Variants in RSU1 observed in about 807,000 individuals in gnomAD.
The protein encoded by RSU1 is Ras suppressor protein 1.
RSU1 carries 26 observed loss-of-function variants against 31.1 expected under a neutral mutation model. The ratio of observed to expected loss-of-function variants is 0.84; its 90% CI spans 0.61 to 1.16. The LOEUF (loss-of-function observed/expected upper bound fraction) is 1.16, where lower values mean the gene tolerates loss of function less well. RSU1 is among the 50% of genes most tolerant of loss of function. The pLI, the probability that RSU1 is intolerant of heterozygous loss-of-function variation, is 0.00. For missense variants in RSU1, 320 were observed against 339.1 expected (o/e 0.94, Z 0.44); for synonymous variants, 164 against 136.3 (o/e 1.20, Z -1.41).
intron 8 of RSU1, among the ~76,000 whole-genome samples, chr10:16,689,780 A>C (rs1307544754): frequency 1.3e-5 from 2 of 152,222 alleles, no homozygotes; most frequent in Non-Finnish European, 2.9e-5. Context: ...CACAAAACAC[A>C]AATGAGTGGG....
At chr10:16,691,174 T>C (rs1233816727) in intron 8 of RSU1, among the ~76,000 whole-genome samples, 1 of 152,188 alleles carries the variant, frequency 6.6e-6, no homozygotes, top group East Asian at 1.9e-4. Flanking sequence ...GCCAAATACC[T>C]GCTAATTCGC....
intron 7 of RSU1, among the ~76,000 whole-genome samples, chr10:16,748,845 G>A (rs76727694): frequency 0.027 from 3,928 of 145,370 alleles, 168 homozygotes; most frequent in African/African-American, 0.1. Flanking sequence ...TTCCCCAGCC[G>A]GGCTCTCCCT....
At chr10:16,695,453 G>A (rs1418023944) in intron 7 of RSU1, among the ~76,000 whole-genome samples, 2 of 152,176 alleles carry the variant, frequency 1.3e-5, no homozygotes. Flanking sequence ...TCAAAATTAA[G>A]AGAAGTGATA....
At chr10:16,690,390 A>C (rs1404793976) in intron 8 of RSU1, among the ~76,000 whole-genome samples, 3 of 152,184 alleles carry the variant, frequency 2.0e-5, no homozygotes, top group African/African-American at 7.2e-5. Context: ...CCCCTGTGGA[A>C]GGCACGAAAG....
intron 7 of RSU1, among the ~76,000 whole-genome samples, chr10:16,734,766 G>A (rs996134422): frequency 6.6e-6 from 1 of 152,150 alleles, no homozygotes; most frequent in Non-Finnish European, 1.5e-5. Context: ...AGAAATGGTT[G>A]GTGTTATGGG....
At chr10:16,768,399 CT>C (rs1332790052) in intron 3 of RSU1, among the ~76,000 whole-genome samples, 1 of 152,194 alleles carries the variant, frequency 6.6e-6, no homozygotes, top group Non-Finnish European at 1.5e-5. Flanking sequence ...TAGAACTTCG[CT>C]TCTGACAGAG....
intron 8 of RSU1, among the ~76,000 whole-genome samples, chr10:16,670,892 G>T (rs895920436): frequency 2.0e-5 from 3 of 152,036 alleles, no homozygotes; most frequent in Non-Finnish European, 4.4e-5. Flanking sequence ...AGCCTCCCCA[G>T]TAGCTGGGAT....
chr10:16,645,121 G>C (rs1834512844), intron 8 of RSU1, among the ~76,000 whole-genome samples: 1 of 152,100 alleles, frequency 6.6e-6, no homozygotes, highest in Admixed American at 6.5e-5. Flanking sequence ...ATAACCAATG[G>C]GCAAAATCAT....
chr10:16,718,862 T>A lies in RSU1; in HGVS notation c.599-23707A>T, dbSNP rs185442783. Among the ~76,000 whole-genome samples the A allele has an allele frequency of 9.8e-4, 149 of 151,358 alleles. 1 individual carries two copies. Among genetic ancestry groups the A allele is most frequent in the Admixed American group, 9.5e-3 (143 of 15,110 alleles). The stretch of plus-strand genomic sequence containing the variant: ...CGGGCATGGTGGCGGACACATGTAA[T>A]CCCAGCTACTCGAAAGGCTGGGACA... On this transcript the variant is annotated intron_variant, in intron 7 of 8. Transcript: ENST00000345264.
At chr10:16,764,268 A>T in intron 4 of RSU1, 122 bp downstream of exon 4, 1 of 1,215,320 alleles carries the variant, frequency 8.2e-7, no homozygotes, top group Non-Finnish European at 1.1e-6. Context: ...GACCCAAAAC[A>T]TAAAAAGAAA....
At chr10:16,689,745 C>T (rs1588716636) in intron 8 of RSU1, among the ~76,000 whole-genome samples, 1 of 152,084 alleles carries the variant, frequency 6.6e-6, no homozygotes, top group South Asian at 2.1e-4. Flanking sequence ...GCTGGTCTTT[C>T]ATTTAAGGTT....
intron 8 of RSU1, among the ~76,000 whole-genome samples, chr10:16,672,336 C>T (rs1835124067): frequency 6.6e-6 from 1 of 152,020 alleles, no homozygotes; most frequent in Non-Finnish European, 1.5e-5. Context: ...CCATACCTGC[C>T]ATATGACCCA....
chr10:16,777,955 T>C (rs1837569151), intron 3 of RSU1, among the ~76,000 whole-genome samples: 1 of 152,070 alleles, frequency 6.6e-6, no homozygotes, highest in Non-Finnish European at 1.5e-5. Context: ...CAGCCCATCA[T>C]TCCTTGGCTC....
At chr10:16,714,108 C>G (rs940297385) in intron 7 of RSU1, among the ~76,000 whole-genome samples, 9 of 152,036 alleles carry the variant, frequency 5.9e-5, no homozygotes, top group Non-Finnish European at 4.4e-5. Flanking sequence ...ACAGGCTTTT[C>G]AGGGAGGTGG....
chr10:16,660,664 T>TTTTTTTTTTTG (rs1588699856), intron 8 of RSU1, among the ~76,000 whole-genome samples: 1 of 146,412 alleles, frequency 6.8e-6, no homozygotes, highest in African/African-American at 2.6e-5. Context: ...TTTTTTTTTT[T>TTTTTTTTTTTG]GAGGAAGGCT....
chr10:16,756,730 T>C (rs1240354525), intron 4 of RSU1, among the ~76,000 whole-genome samples: 1 of 152,156 alleles, frequency 6.6e-6, no homozygotes, highest in Non-Finnish European at 1.5e-5. Context: ...TCAAAAGTAA[T>C]GTGTGGATTT....
At chr10:16,813,665 T>G (rs12358160) in intron 2 of RSU1, among the ~76,000 whole-genome samples, 1 of 152,214 alleles carries the variant, frequency 6.6e-6, no homozygotes, top group Non-Finnish European at 1.5e-5. Flanking sequence ...CAGTACTAAC[T>G]AGCAGAATTT....
intron 8 of RSU1, among the ~76,000 whole-genome samples, chr10:16,646,375 C>T (rs944800835): frequency 3.9e-5 from 6 of 152,184 alleles, no homozygotes; most frequent in Non-Finnish European, 7.4e-5. Context: ...AGTCAGGAGC[C>T]GTGGTTTATT....
chr10:16,682,709 C>T (rs1216093406), intron 8 of RSU1, among the ~76,000 whole-genome samples: 1 of 152,090 alleles, frequency 6.6e-6, no homozygotes, highest in Non-Finnish European at 1.5e-5. Context: ...GCAGACTCAC[C>T]CTGGATCTTT....
Sources: gnomAD v4.1 joint callset for allele counts (sites outside exome capture counted in the v4.1 genomes callset) on GRCh38, gnomAD v4.1.1 for gene constraint, MANE v1.5 for transcripts, NCBI Gene and HGNC (gene_info 2026-07-23, HGNC 2026-07-21) for gene names.